The following GLDC variants were observed in gnomAD, a reference collection of about 807,000 sequenced individuals.
GLDC encodes glycine decarboxylase, also known as glycine dehydrogenase (decarboxylating), mitochondrial.
In GLDC, 104 loss-of-function variants were observed where a neutral mutation model predicts 121.3. That is an observed-to-expected ratio of 0.86 (90% CI 0.73 to 1.01). GLDC has a LOEUF of 1.01. GLDC is among the 50% of genes least tolerant of loss of function. The pLI is 0.00. For synonymous variants in GLDC, 546 were observed against 480.6 expected (o/e 1.14, Z -1.78); for missense variants, 1,429 against 1,306.6 (o/e 1.09, Z -1.44).
At chr9:6,553,565 T>C in intron 19 of GLDC, 56 bp from the exon 20 acceptor site, 4 of 1,571,194 alleles carry the variant, frequency 2.5e-6, no homozygotes, top group Non-Finnish European at 3.5e-6. Context: ...TTTAATCTAA[T>C]GGGAAGGTTC....
intron 21 of GLDC, among the ~76,000 whole-genome samples, chr9:6,545,253 G>A (rs1817363553): frequency 2.0e-5 from 3 of 152,176 alleles, no homozygotes; most frequent in Admixed American, 2.0e-4. Context: ...ACAGCATGGT[G>A]TACTTACATA....
chr9:6,554,862 C>T, intron 18 of GLDC, 81 bp from the exon 19 acceptor site: 1 of 973,914 alleles, frequency 1.0e-6, no homozygotes. Flanking sequence ...CTGGCCGGTG[C>T]TGCCTTCTCC....
At chr9:6,638,963 C>G (rs539992645) in intron 2 of GLDC, among the ~76,000 whole-genome samples, 60 of 151,700 alleles carry the variant, frequency 4.0e-4, no homozygotes, top group Admixed American at 7.9e-4. Flanking sequence ...GAGCCAAGAC[C>G]GTGCCACTGC....
At chr9:6,545,732 C>T (rs1272059489) in intron 21 of GLDC, among the ~76,000 whole-genome samples, 1 of 152,098 alleles carries the variant, frequency 6.6e-6, no homozygotes, top group Admixed American at 6.5e-5. Context: ...CCTCCTATTC[C>T]TGGGTTCAAG....
At chr9:6,618,409 G>C (rs1195471954) in intron 3 of GLDC, among the ~76,000 whole-genome samples, 1 of 152,118 alleles carries the variant, frequency 6.6e-6, no homozygotes, top group Non-Finnish European at 1.5e-5. Flanking sequence ...CCAGGTTCAA[G>C]CAATTCTCCT....
At chr9:6,595,878 C>G (rs1818484744) in intron 8 of GLDC, among the ~76,000 whole-genome samples, 1 of 152,138 alleles carries the variant, frequency 6.6e-6, no homozygotes, top group Non-Finnish European at 1.5e-5. Flanking sequence ...TTAGGTACAT[C>G]TTTTTTTCTG....
chr9:6,587,923 A>G (rs1314295704), intron 14 of GLDC, among the ~76,000 whole-genome samples: 1 of 152,186 alleles, frequency 6.6e-6, no homozygotes, highest in Non-Finnish European at 1.5e-5. Context: ...AAGCTTCGCT[A>G]AAATGGATCC....
chr9:6,583,780 G>A lies in GLDC; in HGVS notation c.1850+3361C>T, dbSNP rs1336038181. Among the ~76,000 whole-genome samples, 4 of 152,180 alleles carry A rather than the reference G, an allele frequency of 2.6e-5. No homozygotes were observed. The East Asian group carries it at 5.8e-4, about 22-fold the overall frequency. On this transcript the variant is annotated intron_variant, in intron 15 of 24. Coordinates refer to ENST00000321612, the MANE Select transcript of GLDC (RefSeq NM_000170.3). ...AGCCAGACACAAAAGGACAAATATT[G>A]TATGATCCACTTATACGAGGTTCCT...
At chr9:6,554,939 G>A (rs770421041) in intron 18 of GLDC, 158 bp from the exon 19 acceptor site, 1 of 688,928 alleles carries the variant, frequency 1.5e-6, no homozygotes, top group Non-Finnish European at 2.7e-6. Context: ...TACTGGCCCA[G>A]TTCCGTAGTC....
intron 11 of GLDC, among the ~76,000 whole-genome samples, chr9:6,590,127 C>T (rs1230903528): frequency 6.6e-6 from 1 of 151,294 alleles, no homozygotes; most frequent in African/African-American, 2.4e-5. Context: ...AAATGTGACA[C>T]CAAAGGAATA....
At chr9:6,615,174 AG>A (rs745747312) in intron 3 of GLDC, among the ~76,000 whole-genome samples, 2 of 152,184 alleles carry the variant, frequency 1.3e-5, no homozygotes, top group Non-Finnish European at 1.5e-5. Context: ...TACTGTCCAA[AG>A]GTTATTCAAG....
At chr9:6,613,633 C>A (rs1023293287) in intron 3 of GLDC, among the ~76,000 whole-genome samples, 1 of 152,008 alleles carries the variant, frequency 6.6e-6, no homozygotes, top group Non-Finnish European at 1.5e-5. Context: ...TCAGGTAAAT[C>A]TTGATTTATT....
chr9:6,636,673 G>T (rs765592282), intron 2 of GLDC, among the ~76,000 whole-genome samples: 1 of 152,256 alleles, frequency 6.6e-6, no homozygotes, highest in East Asian at 1.9e-4. Context: ...CTGCTCAGGA[G>T]GCTGAAGTGC....
intron 15 of GLDC, among the ~76,000 whole-genome samples, chr9:6,567,896 C>T (rs1468799716): frequency 6.6e-6 from 1 of 152,172 alleles, no homozygotes; most frequent in Non-Finnish European, 1.5e-5. Flanking sequence ...ATATATAGAA[C>T]AGTACTCTGC....
intron 4 of GLDC, among the ~76,000 whole-genome samples, chr9:6,607,450 G>C (rs1322049864): frequency 1.3e-5 from 2 of 151,774 alleles, no homozygotes; most frequent in Non-Finnish European, 2.9e-5. Context: ...AGGCATGGTG[G>C]TGCACGCCTG....
At chr9:6,566,984 A>C (rs1817867248) in intron 15 of GLDC, among the ~76,000 whole-genome samples, 1 of 152,188 alleles carries the variant, frequency 6.6e-6, no homozygotes, top group South Asian at 2.1e-4. Flanking sequence ...CCTGCCTCCC[A>C]GAGCTACGGG....
chr9:6,597,934 A>G (rs1227035177), intron 8 of GLDC, among the ~76,000 whole-genome samples: 1 of 150,008 alleles, frequency 6.7e-6, no homozygotes, highest in Non-Finnish European at 1.5e-5. Context: ...ACTCGTCTCC[A>G]AAAAAAAAAG....
chr9:6,551,696 A>C (rs1438647432), intron 20 of GLDC, among the ~76,000 whole-genome samples: 2 of 152,196 alleles, frequency 1.3e-5, no homozygotes, highest in Admixed American at 6.5e-5. Flanking sequence ...AGAAACTTAG[A>C]AATAAGTAGA....
intron 2 of GLDC, among the ~76,000 whole-genome samples, chr9:6,625,814 G>A (rs1410984008): frequency 2.0e-5 from 3 of 151,798 alleles, no homozygotes; most frequent in Non-Finnish European, 4.4e-5. Context: ...TGGGTCTGCA[G>A]CAGAGGCCAC....
Sources: allele counts gnomAD v4.1 joint callset (sites outside exome capture counted in the v4.1 genomes callset), GRCh38; gene constraint gnomAD v4.1.1; transcripts MANE v1.5; gene names NCBI Gene and HGNC (gene_info 2026-07-23, HGNC 2026-07-21).